GYPC: variants seen among roughly 807,000 people sequenced by gnomAD.
GYPC encodes the protein glycophorin-C.
In GYPC, 14 loss-of-function variants were observed where a neutral mutation model predicts 12.6. That is an observed-to-expected ratio of 1.11 (90% CI 0.74 to 1.74). The LOEUF is 1.74. Among genes scored for constraint, GYPC ranks in the 40% most tolerant of loss-of-function variants. GYPC has a pLI of 0.00. For synonymous variants in GYPC, 78 were observed against 62.1 expected (o/e 1.26, Z -1.20); for missense variants, 225 against 172.1 (o/e 1.31, Z -1.72).
intron 3 of GYPC, 140 bp downstream of exon 3, chr2:126,694,087 G>T: frequency 1.4e-6 from 1 of 706,008 alleles, no homozygotes; most frequent in Non-Finnish European, 2.6e-6. Context: ...TTTTGAATGT[G>T]GAATGGAGGA....
At chr2:126,661,047 A>G (rs1682520640) in intron 1 of GYPC, among the ~76,000 whole-genome samples, 4 of 152,194 alleles carry the variant, frequency 2.6e-5, no homozygotes, top group African/African-American at 9.7e-5. Context: ...ATTCTTCCAG[A>G]ACAATGTTCC....
At chr2:126,673,536 G>A (rs539965655) in intron 1 of GYPC, among the ~76,000 whole-genome samples, 1 of 152,154 alleles carries the variant, frequency 6.6e-6, no homozygotes, top group Non-Finnish European at 1.5e-5. Flanking sequence ...TATCCTGAGT[G>A]TTCCTAAATA....
chr2:126,677,424 A>G (rs965518641), intron 1 of GYPC, among the ~76,000 whole-genome samples: 1 of 147,366 alleles, frequency 6.8e-6, no homozygotes, highest in Non-Finnish European at 1.5e-5. Flanking sequence ...TGTGTGAGAG[A>G]ATGTGAGAGA....
At chr2:126,660,358 C>G (rs1369176072) in intron 1 of GYPC, among the ~76,000 whole-genome samples, 1 of 152,252 alleles carries the variant, frequency 6.6e-6, no homozygotes, top group Non-Finnish European at 1.5e-5. Context: ...CCCTCGAGCC[C>G]TCCCTCACGC....
intron 1 of GYPC, among the ~76,000 whole-genome samples, chr2:126,664,125 G>A (rs12468957): frequency 0.47 from 70,730 of 151,704 alleles, 17,199 homozygotes; most frequent in African/African-American, 0.58. Context: ...CTTCAACTTC[G>A]GCAAAACTTC....
At chr2:126,685,505 C>G (rs1011192249) in intron 1 of GYPC, among the ~76,000 whole-genome samples, 3 of 152,086 alleles carry the variant, frequency 2.0e-5, no homozygotes, top group Non-Finnish European at 2.9e-5. Flanking sequence ...CTGCCTTAGC[C>G]TCCTGAGTAG....
Position 126,675,707 on chromosome 2 carries a change from C to T in GYPC, c.50-14548C>T, listed in dbSNP as rs962370961. 8.1e-6 allele frequency: 8 copies of T among 984,668 alleles called. No individual in the cohort carries two copies. The African/African-American group carries it at 1.4e-4, about 17-fold the overall frequency. 61.0% of individuals were successfully genotyped at this position (984,668 alleles called of 1,614,324 possible). On this transcript the variant is annotated intron_variant, in intron 1 of 3. Coordinates refer to ENST00000259254, the MANE Select transcript of GYPC (RefSeq NM_002101.5). Reference sequence around the variant, plus strand: ...CCCGAGAAAACGCAGACTTCTTAGTCTGATCTTCAGGATCCTTCATTGCCC... The same window carrying T: ...CCCGAGAAAACGCAGACTTCTTAGTTTGATCTTCAGGATCCTTCATTGCCC...
Position 126,690,255 on chromosome 2 carries a change from A to G in GYPC, c.50A>G (p.Glu17Gly). The G allele has an allele frequency of 6.2e-7, 1 of 1,611,698 alleles. No individual in the cohort carries two copies. The change falls in exon 2 of 4, where the codon GAG becomes GGG. Residue 17 changes from glutamate to glycine, a missense_variant and splice_region_variant. Coordinates refer to ENST00000259254, the MANE Select transcript of GYPC (RefSeq NM_002101.5). The stretch of plus-strand genomic sequence containing the variant: ...TCAGATTCTTGTCCTCTGTTCACAG[A>G]GCCTGATCCGGGGATGGCCTCTGCC... ...PNSTAWPLSL[E>G]PDPGMASAST...
intron 1 of GYPC, among the ~76,000 whole-genome samples, chr2:126,670,299 G>C (rs1488348245): frequency 6.6e-6 from 1 of 152,182 alleles, no homozygotes; most frequent in Non-Finnish European, 1.5e-5. Context: ...ATTCCACCCT[G>C]GGGCTCAGGA....
intron 1 of GYPC, among the ~76,000 whole-genome samples, chr2:126,683,276 C>T (rs1381169902): frequency 2.6e-5 from 4 of 151,720 alleles, no homozygotes; most frequent in East Asian, 1.9e-4. Context: ...GTCTAGGTCA[C>T]GCCATTGCAC....
At chr2:126,677,255 G>C (rs1021253558) in intron 1 of GYPC, among the ~76,000 whole-genome samples, 2 of 151,984 alleles carry the variant, frequency 1.3e-5, no homozygotes, top group Admixed American at 1.3e-4. Flanking sequence ...GAGTATATGT[G>C]TATAAGTGTG....
At chr2:126,672,973 C>T (rs17014125) in intron 1 of GYPC, among the ~76,000 whole-genome samples, 24,236 of 152,016 alleles carry the variant, frequency 0.16, 2,481 homozygotes, top group East Asian at 0.41. Flanking sequence ...GTCTTATCCT[C>T]ACCCATGTCA....
intron 1 of GYPC, among the ~76,000 whole-genome samples, chr2:126,663,950 GTCTCTCTCTCTCTCTCTCTCTCTCTC>G (rs61649506): frequency 3.7e-4 from 48 of 129,914 alleles, no homozygotes; most frequent in East Asian, 1.6e-3. Context: ...TAAGGTTCTG[GTCTCTCTCTCTCTCTCTCTCTCTCTC>G]TCTCTCTCTC....
intron 3 of GYPC, 42 bp downstream of exon 3, chr2:126,693,989 G>A: frequency 7.4e-7 from 1 of 1,347,814 alleles, no homozygotes; most frequent in Non-Finnish European, 1.1e-6. Flanking sequence ...CCAGGGTGGG[G>A]GGCCTTGGTG....
intron 1 of GYPC, among the ~76,000 whole-genome samples, chr2:126,681,086 T>C (rs1683138533): frequency 6.6e-6 from 1 of 152,226 alleles, no homozygotes; most frequent in Non-Finnish European, 1.5e-5. Context: ...TTTTTGTAGA[T>C]GACTTGGAAA....
In GYPC at chr2:126,696,389, G is replaced by A. The variant is rs28387233; in HGVS notation, c.*247G>A. On this transcript the variant is annotated 3_prime_UTR_variant, in exon 4 of 4. Transcript: ENST00000259254. ...CCCCAGAGGCCACCTTTTGCTCCAC[G>A]GAGGTGGGAGAAAATCTGGGCACAT... 6.2e-3 allele frequency: 3,113 copies of A among 501,990 alleles called. 76 individuals carry two copies. Among genetic ancestry groups the A allele is most frequent in the African/African-American group, 0.054 (2,775 of 51,688 alleles). The allele number at this position is 501,990 out of a possible 1,614,324, so 31.1% of individuals were successfully genotyped here.
intron 1 of GYPC, among the ~76,000 whole-genome samples, chr2:126,669,142 G>T (rs1682768297): frequency 6.6e-6 from 1 of 152,226 alleles, no homozygotes; most frequent in South Asian, 2.1e-4. Context: ...GAGACAGGTT[G>T]TTGGTGATCA....
At chr2:126,685,464 A>G (rs1683259191) in intron 1 of GYPC, among the ~76,000 whole-genome samples, 1 of 151,652 alleles carries the variant, frequency 6.6e-6, no homozygotes, top group Admixed American at 6.6e-5. Flanking sequence ...AGCTCACTAC[A>G]ACCTCCACCT....
At chr2:126,686,477 C>T in intron 1 of GYPC, 1 of 985,540 alleles carries the variant, frequency 1.0e-6, no homozygotes, top group Non-Finnish European at 1.2e-6. Context: ...AAAAGCCACT[C>T]CCAACTCCAC....
Sources: gnomAD v4.1 joint callset for allele counts (sites outside exome capture counted in the v4.1 genomes callset) on GRCh38, gnomAD v4.1.1 for gene constraint, MANE v1.5 for transcripts, NCBI Gene and HGNC (gene_info 2026-07-23, HGNC 2026-07-21) for gene names.